FXR1: variants seen among roughly 807,000 people sequenced by gnomAD.
The protein encoded by FXR1 is RNA-binding protein FXR1.
In FXR1, 15 loss-of-function variants were observed where a neutral mutation model predicts 84.0. The observed-to-expected ratio is 0.18, with a 90% CI of 0.12 to 0.27. FXR1 has a LOEUF of 0.27. Among genes scored for constraint, FXR1 ranks in the 10% least tolerant of loss-of-function variants. FXR1 has a pLI of 1.00. For missense variants in FXR1, 480 were observed against 774.4 expected (o/e 0.62, Z 4.51); for synonymous variants, 245 against 250.7 (o/e 0.98, Z 0.21).
chr3:180,978,180 G>GT lies in FXR1; in HGVS notation c.*1889dup, dbSNP rs1166337691. 4 of 118,110 alleles carry GT rather than the reference G, an allele frequency of 3.4e-5. No homozygotes were observed. Among genetic ancestry groups the GT allele is most frequent in the African/African-American group, 9.4e-5 (2 of 21,320 alleles). 7.3% of individuals were successfully genotyped at this position (118,110 alleles called of 1,614,324 possible). Reference sequence around the variant, plus strand: ...TTAATGCCAAATTGGTAAATATGGTGTAAAAAAAAAAAAAAAGACTTTTCA... The same window carrying GT: ...TTAATGCCAAATTGGTAAATATGGTGTTAAAAAAAAAAAAAAAGACTTTTCA... On this transcript the variant is annotated 3_prime_UTR_variant, in exon 17 of 17. Transcript: ENST00000357559.
At chr3:180,925,636 G>A (rs1221166830) in intron 1 of FXR1, among the ~76,000 whole-genome samples, 2 of 152,148 alleles carry the variant, frequency 1.3e-5, no homozygotes, top group Admixed American at 6.5e-5. Context: ...CTGACATGTG[G>A]CTATCAGCTA....
At position 180,954,021 on chromosome 3, in the gene FXR1, A is replaced by G. The variant is rs180904250; in HGVS notation, c.880+181A>G. ...ACATTTTGTGTAACTTGTTATTGTC[A>G]TATGTTAAAAAGTAAAGATGTTTCT... On this transcript the variant is annotated intron_variant, in intron 9 of 16. Transcript: ENST00000357559. 62 of 533,652 alleles carry G rather than the reference A, an allele frequency of 1.2e-4. No homozygotes were observed. The African/African-American group carries it at 1.2e-3, about 10-fold the overall frequency. 33.1% of individuals were successfully genotyped at this position (533,652 alleles called of 1,614,324 possible). A position where few individuals can be genotyped will look rare whatever the true frequency, so the allele number is the denominator to read the frequency against.
chr3:180,913,635 G>A (rs1003363337), intron 1 of FXR1, among the ~76,000 whole-genome samples: 3 of 152,128 alleles, frequency 2.0e-5, no homozygotes, highest in Non-Finnish European at 4.4e-5. Context: ...ATTTGGTGGG[G>A]CATTCAGCGT....
intron 1 of FXR1, among the ~76,000 whole-genome samples, chr3:180,926,284 G>A (rs1008651260): frequency 1.3e-5 from 2 of 151,908 alleles, no homozygotes; most frequent in African/African-American, 4.8e-5. Context: ...TCAGGTTTGA[G>A]GGAAGCAGTA....
At position 180,981,764 on chromosome 3, in the gene FXR1, T is replaced by C. The variant is rs1422526034; in HGVS notation, c.*5472T>C. On this transcript the variant is annotated 3_prime_UTR_variant, in exon 17 of 17. Coordinates refer to ENST00000357559, the MANE Select transcript of FXR1 (RefSeq NM_005087.4). Reference sequence around the variant, plus strand: ...GACTTTTGTTTCCCAAGCCATAAAATGTGGAAGAATCTTCACAATTTCAAG... The same window carrying C: ...GACTTTTGTTTCCCAAGCCATAAAACGTGGAAGAATCTTCACAATTTCAAG... 1.3e-5 allele frequency: 2 copies of C among 152,070 alleles called. No homozygotes were observed. The highest frequency in any genetic ancestry group is 4.8e-5 in the African/African-American group (2 of 41,434). 9.4% of individuals were successfully genotyped at this position (152,070 alleles called of 1,614,324 possible). A position where few individuals can be genotyped will look rare whatever the true frequency, so the allele number is the denominator to read the frequency against.
chr3:180,927,385 C>T (rs1366212689), intron 1 of FXR1, among the ~76,000 whole-genome samples: 1 of 151,922 alleles, frequency 6.6e-6, no homozygotes, highest in African/African-American at 2.4e-5. Context: ...TTTTGTCTGC[C>T]CTCATACAGT....
rs558460632 is a variant in FXR1 at position 180,932,627 on chromosome 3, A to G, written c.52-707A>G. Among the ~76,000 whole-genome samples, 21 of 152,328 alleles carry G rather than the reference A, an allele frequency of 1.4e-4. 1 individual carries two copies. In the South Asian group the frequency reaches 4.3e-3, roughly 32 times the overall value. On this transcript the variant is annotated intron_variant, in intron 1 of 16. Transcript: ENST00000357559. ...ATTTTAAGGCTGAAAAATGACCGCCAATTGTTATTGAGAATCTGTATTCAT... is the reference window on the plus strand; with the variant it reads ...ATTTTAAGGCTGAAAAATGACCGCCGATTGTTATTGAGAATCTGTATTCAT...
Position 180,915,697 on chromosome 3 carries a change from G to GT in FXR1, c.51+2962dup, listed in dbSNP as rs1342943746. 8.6e-6 allele frequency: 6 copies of GT among 698,400 alleles called. No individual in the cohort carries two copies. The African/African-American group carries it at 8.8e-5, about 10-fold the overall frequency. The allele number at this position is 698,400 out of a possible 1,614,324, so 43.3% of individuals were successfully genotyped here. A position where few individuals can be genotyped will look rare whatever the true frequency, so the allele number is the denominator to read the frequency against. ...ATAGGCAGAAGACACACATTTGGCC[G>GT]TAAGTGTGAATTGCCATTGATGAGT... On this transcript the variant is annotated intron_variant, in intron 1 of 16. Coordinates refer to ENST00000357559, the MANE Select transcript of FXR1 (RefSeq NM_005087.4).
chr3:180,923,886 C>T (rs1160707327), intron 1 of FXR1, among the ~76,000 whole-genome samples: 1 of 152,112 alleles, frequency 6.6e-6, no homozygotes, highest in African/African-American at 2.4e-5. Context: ...AGGCATCCTT[C>T]TTGAGAACTT....
At chr3:180,948,892 AAAGCT>A in intron 6 of FXR1, 78 bp downstream of exon 6, 1 of 777,482 alleles carries the variant, frequency 1.3e-6, no homozygotes, top group Admixed American at 2.2e-5. Flanking sequence ...TCAGAAGAGA[AAAGCT>A]AAGATCAACT....
chr3:180,938,872 T>C (rs772856972), intron 3 of FXR1, among the ~76,000 whole-genome samples: 1 of 151,674 alleles, frequency 6.6e-6, no homozygotes, highest in Non-Finnish European at 1.5e-5. Context: ...TTTTTGTGTT[T>C]TTTTCTTAGG....
At position 180,954,747 on chromosome 3, in the gene FXR1, G is replaced by C. The variant is rs185014123; in HGVS notation, c.880+907G>C. 9.9e-5 allele frequency among the ~76,000 whole-genome samples: 15 copies of C among 151,874 alleles called. 1 individual carries two copies. The highest frequency in any genetic ancestry group is 9.2e-4 in the Admixed American group (14 of 15,244). On this transcript the variant is annotated intron_variant, in intron 9 of 16. Transcript: ENST00000357559. The stretch of plus-strand genomic sequence containing the variant: ...GCTAGGGAAATACTTTCAGCTTCTT[G>C]GGTTCCATTTATATAATGCGGCCTG...
intron 7 of FXR1, 152 bp from the exon 8 acceptor site, chr3:180,951,146 C>T (rs1208534985): frequency 1.7e-6 from 1 of 576,002 alleles, no homozygotes; most frequent in African/African-American, 1.9e-5. Context: ...TTGCTTGAGC[C>T]CAGGAGATTG....
intron 15 of FXR1, chr3:180,971,173 G>C (rs1713529538): frequency 1.9e-6 from 2 of 1,065,116 alleles, no homozygotes; most frequent in African/African-American, 3.4e-5. Flanking sequence ...GAGTGGACCT[G>C]TGGACACCAT....
At chr3:180,975,427 GTTTTT>G in intron 16 of FXR1, 23 bp downstream of exon 16, 1 of 692,638 alleles carries the variant, frequency 1.4e-6, no homozygotes, top group Non-Finnish European at 2.4e-6. Flanking sequence ...TAACCTGTAG[GTTTTT>G]TTTTTTTTTA....
intron 8 of FXR1, 26 bp from the exon 9 acceptor site, chr3:180,953,736 A>G (rs201541336): frequency 1.7e-6 from 2 of 1,201,680 alleles, no homozygotes; most frequent in East Asian, 4.7e-5. Flanking sequence ...ACAGGATTTC[A>G]TTTTTACTTT....
rs914049792 is a variant in FXR1 at position 180,980,911 on chromosome 3, G to A, written c.*4619G>A. The A allele has an allele frequency of 6.6e-6, 1 of 151,492 alleles. No individual in the cohort carries two copies. The highest frequency in any genetic ancestry group is 2.4e-5 in the African/African-American group (1 of 40,968). 9.4% of individuals were successfully genotyped at this position (151,492 alleles called of 1,614,324 possible). ...ACTTTACATAACCAAAAACCTAGGA[G>A]AGCATTCTACATTGTAATTTTTTTT... On this transcript the variant is annotated 3_prime_UTR_variant, in exon 17 of 17. Coordinates refer to ENST00000357559, the MANE Select transcript of FXR1 (RefSeq NM_005087.4).
intron 1 of FXR1, 83 bp downstream of exon 1, chr3:180,912,819 G>C (rs1281464316): frequency 6.2e-7 from 1 of 1,606,294 alleles, no homozygotes; most frequent in Non-Finnish European, 8.5e-7. Context: ...AGAGAGTGAG[G>C]TTTGGGGTCG....
intron 1 of FXR1, among the ~76,000 whole-genome samples, chr3:180,924,563 TGGA>T (rs1426217694): frequency 6.6e-6 from 1 of 152,056 alleles, no homozygotes; most frequent in Non-Finnish European, 1.5e-5. Context: ...AAACTATGGG[TGGA>T]GATGTCTGAA....
Sources: gnomAD v4.1 joint callset for allele counts (sites outside exome capture counted in the v4.1 genomes callset) on GRCh38, gnomAD v4.1.1 for gene constraint, MANE v1.5 for transcripts, NCBI Gene and HGNC (gene_info 2026-07-23, HGNC 2026-07-21) for gene names.